EPS15L1: variants seen among roughly 807,000 people sequenced by gnomAD.
EPS15L1 encodes epidermal growth factor receptor substrate 15-like 1.
Under a neutral mutation model 117.1 loss-of-function variants are expected in EPS15L1, and 43 were observed. That is an observed-to-expected ratio of 0.37 (90% CI 0.29 to 0.47). The LOEUF (loss-of-function observed/expected upper bound fraction) is 0.47. EPS15L1 is among the 20% of genes least tolerant of loss of function. The probability of loss-of-function intolerance (pLI) is 0.99; values close to 1 mark genes in which losing one functional copy is unlikely to be tolerated. For missense variants in EPS15L1, 981 were observed against 1,164.0 expected (o/e 0.84, Z 2.29); for synonymous variants, 459 against 470.5 (o/e 0.98, Z 0.32).
At chr19:16,458,229 T>C (rs770729430) in intron 1 of EPS15L1, among the ~76,000 whole-genome samples, 1 of 152,134 alleles carries the variant, frequency 6.6e-6, no homozygotes, top group African/African-American at 2.4e-5. Context: ...AGCGTCAGCC[T>C]CCTAGTGCAC....
intron 21 of EPS15L1, 101 bp downstream of exon 21, chr19:16,385,028 G>T: frequency 2.2e-6 from 2 of 905,014 alleles, no homozygotes; most frequent in Non-Finnish European, 3.6e-6. Context: ...GTGCCGGGGA[G>T]ATACATACGT....
intron 23 of EPS15L1, among the ~76,000 whole-genome samples, chr19:16,358,868 C>G (rs1374705220): frequency 1.3e-5 from 2 of 152,162 alleles, no homozygotes; most frequent in African/African-American, 4.8e-5. Flanking sequence ...ACTCTTAATG[C>G]GAACTTCCAA....
intron 13 of EPS15L1, among the ~76,000 whole-genome samples, chr19:16,411,297 A>T (rs1359823977): frequency 1.3e-5 from 2 of 152,228 alleles, no homozygotes; most frequent in African/African-American, 4.8e-5. Context: ...GGGCTGGAGA[A>T]AGGGGAGAAT....
At chr19:16,376,957 C>T (rs1047290780) in intron 22 of EPS15L1, among the ~76,000 whole-genome samples, 165 bp downstream of exon 22, 3 of 152,202 alleles carry the variant, frequency 2.0e-5, no homozygotes, top group Non-Finnish European at 2.9e-5. Context: ...CACGCACATA[C>T]GGCACTTGCG....
intron 12 of EPS15L1, among the ~76,000 whole-genome samples, chr19:16,416,225 C>T (rs2144913489): frequency 6.6e-6 from 1 of 152,258 alleles, no homozygotes; most frequent in Admixed American, 6.5e-5. Context: ...AAAGTCAAAG[C>T]CCTTTCCATT....
chr19:16,390,194 A>G (rs8110761), intron 19 of EPS15L1, among the ~76,000 whole-genome samples: 96,138 of 151,994 alleles, frequency 0.63, 31,153 homozygotes, highest in South Asian at 0.75. Context: ...ATGATGTATC[A>G]TGTAGTGAAT....
chr19:16,455,090 T>C (rs36721), intron 1 of EPS15L1, among the ~76,000 whole-genome samples: 13,931 of 151,606 alleles, frequency 0.092, 1,039 homozygotes, highest in East Asian at 0.27. Flanking sequence ...GATCACATCA[T>C]TGCACTCCAG....
chr19:16,436,217 A>G (rs1432095566), intron 6 of EPS15L1, among the ~76,000 whole-genome samples: 1 of 152,212 alleles, frequency 6.6e-6, no homozygotes, highest in Non-Finnish European at 1.5e-5. Context: ...TTTATTTGAG[A>G]GCAAGAGTGT....
intron 13 of EPS15L1, among the ~76,000 whole-genome samples, chr19:16,411,293 G>A (rs1312166491): frequency 1.3e-5 from 2 of 152,328 alleles, no homozygotes; most frequent in East Asian, 3.9e-4. Context: ...CCAGGGGCTG[G>A]AGAAAGGGGA....
intron 8 of EPS15L1, among the ~76,000 whole-genome samples, chr19:16,427,218 C>T (rs1016623149): frequency 6.6e-6 from 1 of 152,032 alleles, no homozygotes; most frequent in African/African-American, 2.4e-5. Flanking sequence ...GAGTTGAGTT[C>T]GAGGCTGCAG....
At chr19:16,382,940 A>T (rs2092378943) in intron 21 of EPS15L1, 1 of 152,054 alleles carries the variant, frequency 6.6e-6, no homozygotes. Context: ...GATGGGGAAA[A>T]GTTGATGATG....
At chr19:16,360,063 T>G (rs534850343) in intron 23 of EPS15L1, among the ~76,000 whole-genome samples, 211 of 141,642 alleles carry the variant, frequency 1.5e-3, no homozygotes, top group Non-Finnish European at 2.4e-3. Context: ...AAACCTTGGG[T>G]GTTTTTTTTT....
chr19:16,381,831 C>T lies in EPS15L1; in HGVS notation c.2247+3298G>A, dbSNP rs1021494710. On this transcript the variant is annotated intron_variant, in intron 21 of 23. Transcript: ENST00000455140. The surrounding 1 kb of genome is among the most constrained non-coding windows in gnomAD (Gnocchi z 4.2). Reference sequence around the variant, plus strand: ...CATGTCCCTGGGCCTAGGGCCCGTGCGAGTCCCCCGCGGCCTGGGATGGGG... The same window carrying T: ...CATGTCCCTGGGCCTAGGGCCCGTGTGAGTCCCCCGCGGCCTGGGATGGGG... Among the ~76,000 whole-genome samples, 1 of 152,194 alleles carries T rather than the reference C, an allele frequency of 6.6e-6. No homozygotes were observed. The highest frequency in any genetic ancestry group is 1.5e-5 in the Non-Finnish European group (1 of 68,034).
chr19:16,379,588 A>C (rs766445395), intron 21 of EPS15L1, among the ~76,000 whole-genome samples: 1 of 152,244 alleles, frequency 6.6e-6, no homozygotes, highest in Non-Finnish European at 1.5e-5. Flanking sequence ...ATCTAGTCAC[A>C]CCGATGCAGC....
intron 6 of EPS15L1, chr19:16,435,079 G>GT (rs1290330806): frequency 6.6e-6 from 1 of 152,140 alleles, no homozygotes; most frequent in Non-Finnish European, 1.5e-5. Flanking sequence ...TACCTCCCGA[G>GT]TAGCTGGGAT....
At chr19:16,441,058 G>T in intron 3 of EPS15L1, 149 bp from the exon 4 acceptor site, 1 of 784,140 alleles carries the variant, frequency 1.3e-6, no homozygotes, top group South Asian at 1.4e-5. Context: ...AGCCAATTCA[G>T]AGCAGGTGAA....
chr19:16,394,837 C>A (rs1300207917), intron 17 of EPS15L1, among the ~76,000 whole-genome samples: 1 of 152,144 alleles, frequency 6.6e-6, no homozygotes, highest in Non-Finnish European at 1.5e-5. Context: ...AAGCTGCCTT[C>A]AAATGTGGGT....
At position 16,438,952 on chromosome 19, in the gene EPS15L1, G is replaced by C. The variant is rs186793888; in HGVS notation, c.214-1087C>G. Among the ~76,000 whole-genome samples, 910 of 152,170 alleles carry C rather than the reference G, an allele frequency of 6.0e-3. 8 individuals are homozygous for C. The highest frequency in any genetic ancestry group is 6.3e-3 in the Non-Finnish European group (426 of 68,018). ...TGCCCACCCCCAGTGGCCTGACGTG[G>C]ACCCCACCTAGACACGGGAAGGAAG... On this transcript the variant is annotated intron_variant, in intron 4 of 23. Coordinates refer to ENST00000455140, the MANE Select transcript of EPS15L1 (RefSeq NM_001258374.3).
intron 22 of EPS15L1, 56 bp from the exon 23 acceptor site, chr19:16,362,040 C>G: frequency 6.7e-7 from 1 of 1,491,706 alleles, no homozygotes; most frequent in Non-Finnish European, 8.9e-7. Flanking sequence ...AGTTACTCAC[C>G]CGGACAGAGC....
Sources: gnomAD v4.1 joint callset for allele counts (sites outside exome capture counted in the v4.1 genomes callset) on GRCh38, gnomAD v4.1.1 for gene constraint, Gnocchi (gnomAD v3.1) non-coding constraint, MANE v1.5 for transcripts, NCBI Gene and HGNC (gene_info 2026-07-23, HGNC 2026-07-21) for gene names.